Variants in SAP30BP observed in about 807,000 individuals in gnomAD.
The protein encoded by SAP30BP is SAP30 binding protein.
A neutral mutation model predicts 46.3 loss-of-function variants in SAP30BP; 31 were observed. That is an observed-to-expected ratio of 0.67 (90% CI 0.50 to 0.90). The LOEUF is 0.90. Ranked by LOEUF, SAP30BP falls within the 40% of genes least tolerant of loss-of-function variation. The pLI is 0.00. For missense variants in SAP30BP, 312 were observed against 391.0 expected (o/e 0.80, Z 1.70); for synonymous variants, 169 against 144.2 (o/e 1.17, Z -1.23).
At chr17:75,674,484 C>G (rs966123839) in intron 3 of SAP30BP, among the ~76,000 whole-genome samples, 8 of 151,412 alleles carry the variant, frequency 5.3e-5, no homozygotes, top group Non-Finnish European at 8.8e-5. Context: ...TTAATAGAGA[C>G]AGGGTTTCAC....
intron 3 of SAP30BP, among the ~76,000 whole-genome samples, chr17:75,681,618 C>T (rs1258452551): frequency 6.6e-6 from 1 of 152,200 alleles, no homozygotes; most frequent in Non-Finnish European, 1.5e-5. Flanking sequence ...ATAGGAAGAA[C>T]TTTGAGGAGC....
intron 9 of SAP30BP, chr17:75,705,092 T>A (rs1457722754): frequency 6.9e-6 from 3 of 437,166 alleles, no homozygotes. Flanking sequence ...CCGTTTTGGG[T>A]CATGGGGGCC....
chr17:75,680,633 C>G (rs1054348161), intron 3 of SAP30BP, among the ~76,000 whole-genome samples: 4 of 152,248 alleles, frequency 2.6e-5, no homozygotes, highest in Non-Finnish European at 5.9e-5. Context: ...TTCAGTGTAA[C>G]TAAGTCTGAT....
At chr17:75,698,600 CAT>C (rs1352745238) in intron 4 of SAP30BP, among the ~76,000 whole-genome samples, 6 of 144,228 alleles carry the variant, frequency 4.2e-5, no homozygotes, top group African/African-American at 1.5e-4. Context: ...GGTTTACAGA[CAT>C]ATGCAGTGGT....
At chr17:75,675,638 G>A (rs942166116) in intron 3 of SAP30BP, among the ~76,000 whole-genome samples, 2 of 152,048 alleles carry the variant, frequency 1.3e-5, no homozygotes, top group East Asian at 3.9e-4. Context: ...ACCTGATCCG[G>A]CCACAGTGAC....
chr17:75,695,347 A>C (rs529111098), intron 4 of SAP30BP, among the ~76,000 whole-genome samples: 4 of 152,342 alleles, frequency 2.6e-5, no homozygotes, highest in Non-Finnish European at 5.9e-5. Flanking sequence ...AATCACCCCT[A>C]GTTAAGAACC....
At chr17:75,668,018 TA>T (rs918943209) in intron 1 of SAP30BP, 1 of 158,764 alleles carries the variant, frequency 6.3e-6, no homozygotes, top group African/African-American at 2.4e-5. Flanking sequence ...TGTGAGTTTT[TA>T]AAGCCTAACG....
chr17:75,671,503 T>C (rs758466524), intron 2 of SAP30BP, among the ~76,000 whole-genome samples: 7 of 152,222 alleles, frequency 4.6e-5, no homozygotes, highest in Non-Finnish European at 1.0e-4. Context: ...TCCTAAAACA[T>C]ATTGCAAGCT....
rs779257959 is a variant in SAP30BP, at chr17:75,706,859, A to G, written c.*338A>G. 8 of 304,040 alleles carry G rather than the reference A, an allele frequency of 2.6e-5. No homozygotes were observed. The highest frequency in any genetic ancestry group is 9.4e-5 in the Admixed American group (2 of 21,188). 18.8% of individuals were successfully genotyped at this position (304,040 alleles called of 1,614,324 possible). On this transcript the variant is annotated 3_prime_UTR_variant, in exon 11 of 11. Coordinates refer to ENST00000584667, the MANE Select transcript of SAP30BP (RefSeq NM_013260.8). The surrounding 1 kb of genome is among the most constrained non-coding windows in gnomAD (Gnocchi z 4.6). ...AGACTCAATAGTCTTGGTTGGGACT[A>G]TTGCCTCAGGGTTGACAACAGGGTG...
Position 75,690,582 on chromosome 17 carries a change from G to A in SAP30BP, c.265-2858G>A, listed in dbSNP as rs985452519. The A allele has an allele frequency of 4.5e-5, 19 of 425,452 alleles. 1 individual carries two copies. The highest frequency in any genetic ancestry group is 3.2e-4 in the South Asian group (19 of 59,852). 26.4% of individuals were successfully genotyped at this position (425,452 alleles called of 1,614,324 possible). A position where few individuals can be genotyped will look rare whatever the true frequency, so the allele number is the denominator to read the frequency against. The stretch of plus-strand genomic sequence containing the variant: ...GTCAGGCCCACCTCAGCCTCTCAAA[G>A]TGCTGGGATTACAGGCGTGAGCCAC... On this transcript the variant is annotated intron_variant, in intron 3 of 10. Coordinates refer to ENST00000584667, the MANE Select transcript of SAP30BP (RefSeq NM_013260.8).
intron 3 of SAP30BP, among the ~76,000 whole-genome samples, chr17:75,688,719 C>T (rs1045207063): frequency 1.3e-5 from 2 of 152,158 alleles, no homozygotes; most frequent in Non-Finnish European, 2.9e-5. Flanking sequence ...GGCAGCTTGT[C>T]CAGTTTCGTG....
intron 2 of SAP30BP, among the ~76,000 whole-genome samples, chr17:75,669,023 C>T (rs1462047456): frequency 6.6e-6 from 1 of 151,786 alleles, no homozygotes; most frequent in Non-Finnish European, 1.5e-5. Flanking sequence ...TTTAAGTCTT[C>T]TCAGTTTATT....
chr17:75,703,705 G>A (rs971633311), intron 7 of SAP30BP, 103 bp from the exon 8 acceptor site: 2 of 1,055,614 alleles, frequency 1.9e-6, no homozygotes, highest in South Asian at 2.5e-5. Context: ...CCGAGCCCCG[G>A]GTAAGGGGAC....
chr17:75,699,519 A>C (rs928821653), intron 4 of SAP30BP, among the ~76,000 whole-genome samples: 2 of 152,104 alleles, frequency 1.3e-5, no homozygotes, highest in Admixed American at 6.5e-5. Flanking sequence ...AAAAAAAAAA[A>C]AAACGGAAAA....
rs1006457252 is a variant in SAP30BP at position 75,707,714 on chromosome 17, C to G, written c.*1193C>G. On this transcript the variant is annotated 3_prime_UTR_variant, in exon 11 of 11. Coordinates refer to ENST00000584667, the MANE Select transcript of SAP30BP (RefSeq NM_013260.8). ...GCACTTCAGGAGGTCAGTTCTCACC[C>G]CTTCCTCGATGGGGCTTTAAAGCTC... 1 of 152,482 alleles carries G rather than the reference C, an allele frequency of 6.6e-6. No homozygotes were observed. The highest frequency in any genetic ancestry group is 1.5e-5 in the Non-Finnish European group (1 of 68,068). The allele number at this position is 152,482 out of a possible 1,614,324, so 9.4% of individuals were successfully genotyped here.
intron 4 of SAP30BP, among the ~76,000 whole-genome samples, chr17:75,697,059 G>A (rs1568318517): frequency 6.6e-6 from 1 of 152,068 alleles, no homozygotes; most frequent in Admixed American, 6.5e-5. Context: ...TTACAGGTGT[G>A]AGCCACCGCG....
chr17:75,701,691 C>T (rs887933737), intron 5 of SAP30BP, among the ~76,000 whole-genome samples: 7 of 152,330 alleles, frequency 4.6e-5, no homozygotes, highest in Middle Eastern at 6.8e-3. Context: ...TCCCGCCTCC[C>T]GTTAAAAGGA....
In SAP30BP at chr17:75,704,762, C is replaced by T. The variant is rs1331738241; in HGVS notation, c.608C>T (p.Ala203Val). The T allele has an allele frequency of 1.2e-6, 2 of 1,613,464 alleles. No homozygotes were observed. Among genetic ancestry groups the T allele is most frequent in the African/African-American group, 1.3e-5 (1 of 74,918 alleles). ...EDSYYEALAKAQKIEMDKLEK... is the reference protein window; with the variant it reads ...EDSYYEALAKVQKIEMDKLEK... ...GCTTCTCTTGTCTTCATAGCCAAGG[C>T]CCAGAAAATTGAGATGGACAAATTG... Residue 203 changes from alanine to valine, a missense_variant, in exon 9 of 11, where the codon GCC becomes GTC. This residue lies in a region of SAP30BP where 296 missense variants were observed against 346.6 expected (regional missense o/e 0.85). Coordinates refer to ENST00000584667, the MANE Select transcript of SAP30BP (RefSeq NM_013260.8).
At position 75,668,543 on chromosome 17, in the gene SAP30BP, C is replaced by A; in HGVS notation, c.134C>A (p.Ala45Asp). 2 of 1,590,594 alleles carry A rather than the reference C, an allele frequency of 1.3e-6. No homozygotes were observed. Among genetic ancestry groups the A allele is most frequent in the Non-Finnish European group, 1.7e-6 (2 of 1,170,116 alleles). The change falls in exon 2 of 11, where the codon GCC (alanine) becomes GAC (aspartate). Residue 45 changes from alanine to aspartate, a missense_variant. Physicochemically the swap from Ala to Asp is moderately radical, Grantham distance 126 (BLOSUM62 -2). Transcript: ENST00000584667. ...AEEKGGLVSDAYGEDDFSRLG... is the reference protein window; with the variant it reads ...AEEKGGLVSDDYGEDDFSRLG... ...GAGAAAGGCGGATTGGTATCTGATG[C>A]CTATGGGGAGGATGACTTTTCTCGT...
Sources: gnomAD v4.1 joint callset for allele counts (sites outside exome capture counted in the v4.1 genomes callset) on GRCh38, gnomAD v4.1.1 for gene constraint, gnomAD v4.1.1 regional missense constraint, Gnocchi (gnomAD v3.1) non-coding constraint, MANE v1.5 for transcripts, NCBI Gene and HGNC (gene_info 2026-07-23, HGNC 2026-07-21) for gene names.